Variants in LNPEP observed in about 807,000 individuals in gnomAD.
LNPEP encodes leucyl and cystinyl aminopeptidase.
LNPEP carries 64 observed loss-of-function variants against 120.6 expected under a neutral mutation model. The observed-to-expected ratio is 0.53, with a 90% CI of 0.43 to 0.65. The LOEUF (loss-of-function observed/expected upper bound fraction) is 0.65, where lower values mean the gene tolerates loss of function less well. Ranked by LOEUF, LNPEP falls within the 30% of genes least tolerant of loss-of-function variation. The probability of loss-of-function intolerance (pLI) is 0.00; values close to 1 mark genes in which losing one functional copy is unlikely to be tolerated. For synonymous variants in LNPEP, 435 were observed against 425.4 expected (o/e 1.02, Z -0.28); for missense variants, 1,057 against 1,200.0 (o/e 0.88, Z 1.76).
intron 1 of LNPEP, among the ~76,000 whole-genome samples, chr5:96,975,047 T>A (rs895996925): frequency 2.0e-5 from 3 of 152,152 alleles, no homozygotes; most frequent in Non-Finnish European, 2.9e-5. Context: ...TCTTGAGCTC[T>A]AAACCCACGT....
At chr5:96,993,635 A>G (rs978143552) in intron 5 of LNPEP, among the ~76,000 whole-genome samples, 182 bp from the exon 6 acceptor site, 1 of 152,202 alleles carries the variant, frequency 6.6e-6, no homozygotes, top group Non-Finnish European at 1.5e-5. Flanking sequence ...GGGTTTGAAC[A>G]GGTCTTCCTC....
At chr5:96,941,458 A>C (rs1344791105) in intron 1 of LNPEP, among the ~76,000 whole-genome samples, 1 of 152,188 alleles carries the variant, frequency 6.6e-6, no homozygotes, top group Non-Finnish European at 1.5e-5. Context: ...AGAAAGACAC[A>C]GTCTTTTATT....
intron 11 of LNPEP, among the ~76,000 whole-genome samples, chr5:97,007,229 G>A (rs1012947018): frequency 3.3e-5 from 5 of 152,084 alleles, no homozygotes; most frequent in Admixed American, 6.6e-5. Context: ...AAAATTTCTC[G>A]TTTGAATTTG....
intron 1 of LNPEP, among the ~76,000 whole-genome samples, chr5:96,953,376 C>T (rs2112569736): frequency 6.6e-6 from 1 of 152,214 alleles, no homozygotes; most frequent in Non-Finnish European, 1.5e-5. Context: ...TTATTGTGTC[C>T]TTTTCTTAGA....
At chr5:97,024,852 T>C (rs941026325) in intron 15 of LNPEP, among the ~76,000 whole-genome samples, 170 bp downstream of exon 15, 1 of 152,140 alleles carries the variant, frequency 6.6e-6, no homozygotes, top group Admixed American at 6.5e-5. Flanking sequence ...TTTATCTTTA[T>C]GGACAAGCAG....
At chr5:97,003,224 T>C (rs2112641793) in intron 8 of LNPEP, among the ~76,000 whole-genome samples, 191 bp from the exon 9 acceptor site, 1 of 152,334 alleles carries the variant, frequency 6.6e-6, no homozygotes, top group East Asian at 1.9e-4. Flanking sequence ...TTTCAAATCC[T>C]TTAAAATAAT....
At chr5:96,936,429 A>C in intron 1 of LNPEP, 1 of 390,768 alleles carries the variant, frequency 2.6e-6, no homozygotes, top group Non-Finnish European at 4.6e-6. Context: ...CCGGTGGGCA[A>C]ACAGCAAAGT....
At chr5:96,954,423 C>A (rs1789391117) in intron 1 of LNPEP, among the ~76,000 whole-genome samples, 1 of 151,802 alleles carries the variant, frequency 6.6e-6, no homozygotes, top group African/African-American at 2.4e-5. Context: ...TACAGAAGAC[C>A]TTGTATGGTT....
At chr5:96,952,577 C>A (rs1234033927) in intron 1 of LNPEP, among the ~76,000 whole-genome samples, 2 of 152,112 alleles carry the variant, frequency 1.3e-5, no homozygotes, top group African/African-American at 2.4e-5. Flanking sequence ...ATGTTCTGGC[C>A]AGGCATATTT....
intron 14 of LNPEP, among the ~76,000 whole-genome samples, chr5:97,022,998 G>A (rs1791249536): frequency 6.6e-6 from 1 of 150,790 alleles, no homozygotes; most frequent in Non-Finnish European, 1.5e-5. Context: ...TCACATTATT[G>A]TGTACTATAT....
chr5:96,965,537 C>G (rs1357325337), intron 1 of LNPEP, among the ~76,000 whole-genome samples: 1 of 152,102 alleles, frequency 6.6e-6, no homozygotes, highest in African/African-American at 2.4e-5. Context: ...TTATATTTTT[C>G]ATTTAATGAC....
At chr5:96,993,528 G>A (rs924130387) in intron 5 of LNPEP, among the ~76,000 whole-genome samples, 1 of 152,156 alleles carries the variant, frequency 6.6e-6, no homozygotes, top group East Asian at 1.9e-4. Flanking sequence ...AGTATTGGCC[G>A]TGAACTTTGT....
intron 13 of LNPEP, among the ~76,000 whole-genome samples, chr5:97,017,267 A>G (rs1428665412): frequency 6.6e-6 from 1 of 152,156 alleles, no homozygotes; most frequent in Non-Finnish European, 1.5e-5. Context: ...TGTATTGACC[A>G]TTAGATGTTC....
chr5:96,985,028 C>T, intron 2 of LNPEP, 52 bp from the exon 3 acceptor site: 3 of 1,598,206 alleles, frequency 1.9e-6, no homozygotes, highest in Non-Finnish European at 2.6e-6. Context: ...GGCAGGGTGC[C>T]TTGTACAGTA....
intron 13 of LNPEP, among the ~76,000 whole-genome samples, chr5:97,021,475 A>G (rs1387451768): frequency 6.6e-6 from 1 of 152,210 alleles, no homozygotes; most frequent in Non-Finnish European, 1.5e-5. Flanking sequence ...AAACTAGTTA[A>G]TAATGTTAAA....
At chr5:96,997,140 C>G (rs913474403) in intron 7 of LNPEP, among the ~76,000 whole-genome samples, 11 of 151,970 alleles carry the variant, frequency 7.2e-5, no homozygotes, top group Non-Finnish European at 1.5e-4. Context: ...CACACTAGGC[C>G]ATGATATGAC....
chr5:96,962,594 A>C (rs1789629789), intron 1 of LNPEP: 1 of 151,872 alleles, frequency 6.6e-6, no homozygotes, highest in Non-Finnish European at 1.5e-5. Context: ...GAAGTGGCAG[A>C]GCAGTCTGGT....
chr5:97,025,233 C>G (rs1400449302), intron 15 of LNPEP, among the ~76,000 whole-genome samples: 4 of 152,062 alleles, frequency 2.6e-5, no homozygotes, highest in Non-Finnish European at 5.9e-5. Flanking sequence ...TCTACATAGC[C>G]AAGAGGAATA....
intron 13 of LNPEP, among the ~76,000 whole-genome samples, 170 bp downstream of exon 13, chr5:97,015,265 G>T (rs1237932062): frequency 6.6e-6 from 1 of 152,096 alleles, no homozygotes; most frequent in Non-Finnish European, 1.5e-5. Flanking sequence ...ATGATGAAGA[G>T]CTGATAAAGG....
Sources: gnomAD v4.1 joint callset for allele counts (sites outside exome capture counted in the v4.1 genomes callset) on GRCh38, gnomAD v4.1.1 for gene constraint, MANE v1.5 for transcripts, NCBI Gene and HGNC (gene_info 2026-07-23, HGNC 2026-07-21) for gene names.